MRTFB: variants seen among roughly 807,000 people sequenced by gnomAD.
The protein encoded by MRTFB is myocardin-related transcription factor B.
A neutral mutation model predicts 104.2 loss-of-function variants in MRTFB; 29 were observed. The observed-to-expected ratio is 0.28, with a 90% CI of 0.21 to 0.38. The LOEUF (loss-of-function observed/expected upper bound fraction) is 0.38, where lower values mean the gene tolerates loss of function less well. Ranked by LOEUF, MRTFB falls within the 10% of genes least tolerant of loss-of-function variation. The pLI is 1.00. For synonymous variants in MRTFB, 535 were observed against 519.5 expected, an observed-to-expected ratio of 1.03 and a Z score of -0.41; for missense variants, 1,270 against 1,341.6, an observed-to-expected ratio of 0.95 and a Z score of 0.83.
the MRTFB span, among the ~76,000 whole-genome samples, chr16:14,015,170 C>T: frequency 6.6e-6 from 1 of 152,164 alleles, no homozygotes; most frequent in Non-Finnish European, 1.5e-5. Context: ...TAAAGGGAAA[C>T]AGCCACAATG....
rs1040609671 is a variant in MRTFB, at chr16:14,264,849, T to G, written c.*3405T>G. On this transcript the variant is annotated 3_prime_UTR_variant, in exon 17 of 17. Coordinates refer to ENST00000571589, the MANE Select transcript of MRTFB (RefSeq NM_001308142.2). ...TACCTATTTTGTCACCAGAGCTGAC[T>G]CAGGCTTCCTGGACCCTCAACCCCA... is the stretch of plus-strand genomic sequence containing the variant. 3.9e-5 allele frequency: 6 copies of G among 152,262 alleles called. No homozygotes were observed. The highest frequency in any genetic ancestry group is 1.5e-5 in the Non-Finnish European group (1 of 68,088). 9.4% of individuals were successfully genotyped at this position (152,262 alleles called of 1,614,324 possible). A position where few individuals can be genotyped will look rare whatever the true frequency, so the allele number is the denominator to read the frequency against.
intron 15 of MRTFB, among the ~76,000 whole-genome samples, chr16:14,252,795 T>C (rs1482053483): frequency 2.0e-5 from 3 of 152,188 alleles, no homozygotes; most frequent in African/African-American, 7.2e-5. Context: ...ATAGATGTGA[T>C]TATGACCAGG....
rs140923947 is a variant in MRTFB, at chr16:14,187,782, G to A, written c.155-22461G>A. On this transcript the variant is annotated intron_variant, in intron 3 of 16. Transcript: ENST00000571589. ...CTGTAGCCAGTGTTTAAGAAATTCA[G>A]GGTCTACAGAGAATAAGTTTTCCTG... 1.1e-4 allele frequency among the ~76,000 whole-genome samples: 16 copies of A among 152,310 alleles called. No homozygotes were observed. The East Asian group carries it at 3.1e-3, about 29-fold the overall frequency.
intron 3 of MRTFB, among the ~76,000 whole-genome samples, chr16:14,192,825 G>T (rs528719951): frequency 6.6e-6 from 1 of 152,032 alleles, no homozygotes; most frequent in Non-Finnish European, 1.5e-5. Flanking sequence ...ATTCTTCCAG[G>T]GTTCCTCATC....
chr16:14,155,040 T>C (rs1032813506), intron 3 of MRTFB, among the ~76,000 whole-genome samples: 24 of 152,238 alleles, frequency 1.6e-4, no homozygotes, highest in South Asian at 2.1e-4. Flanking sequence ...CCCTAAAGGC[T>C]GCCCATCACA....
chr16:14,256,171 G>A (rs1413542135), intron 15 of MRTFB, among the ~76,000 whole-genome samples: 2 of 108,668 alleles, frequency 1.8e-5, no homozygotes, highest in African/African-American at 9.2e-5. Flanking sequence ...TTTTTTTAAG[G>A]ACAGGAAAGA....
At chr16:14,211,182 T>G (rs2041175593) in intron 4 of MRTFB, among the ~76,000 whole-genome samples, 1 of 152,218 alleles carries the variant, frequency 6.6e-6, no homozygotes, top group Non-Finnish European at 1.5e-5. Flanking sequence ...CTTTTTTTTC[T>G]GGACTACTAT....
At chr16:14,200,422 G>A (rs569661938) in intron 3 of MRTFB, 7 of 1,608,588 alleles carry the variant, frequency 4.4e-6, no homozygotes, top group African/African-American at 4.0e-5. Context: ...AAGAGGAGAC[G>A]ACTAATAGAC....
At chr16:14,059,509 C>T in the MRTFB span, among the ~76,000 whole-genome samples, 4 of 152,072 alleles carry the variant, frequency 2.6e-5, no homozygotes, top group South Asian at 2.1e-4. Context: ...AAGGACAGGA[C>T]GACAAGCTCT....
intron 3 of MRTFB, among the ~76,000 whole-genome samples, chr16:14,186,484 A>G (rs758952122): frequency 6.6e-6 from 1 of 152,188 alleles, no homozygotes; most frequent in Non-Finnish European, 1.5e-5. Flanking sequence ...CTTCTTAGGT[A>G]TCAGCAAAGT....
At chr16:14,205,545 A>T (rs1367932285) in intron 3 of MRTFB, among the ~76,000 whole-genome samples, 1 of 152,218 alleles carries the variant, frequency 6.6e-6, no homozygotes, top group East Asian at 1.9e-4. Flanking sequence ...GTTTTAAACC[A>T]TGATTCTAAA....
At position 14,212,382 on chromosome 16, in the gene MRTFB, A is replaced by C; in HGVS notation, c.249A>C (p.Glu83Asp). Reference sequence around the variant, plus strand: ...TGAAGAGCCCAGCGGCATTCCATGAACAGATAAAAAGCTTGGAACGAGCCA... The same window carrying C: ...TGAAGAGCCCAGCGGCATTCCATGACCAGATAAAAAGCTTGGAACGAGCCA... ...PPLKSPAAFHEQIKSLERART... is the reference protein window; with the variant it reads ...PPLKSPAAFHDQIKSLERART... Residue 83 changes from glutamate to aspartate, a missense_variant, in exon 5 of 17, where the codon GAA becomes GAC. This residue lies in a region of MRTFB where 64 missense variants were observed against 152.9 expected (regional missense o/e 0.42). Coordinates refer to ENST00000571589, the MANE Select transcript of MRTFB (RefSeq NM_001308142.2). 1 of 1,613,996 alleles carries C rather than the reference A, an allele frequency of 6.2e-7. No homozygotes were observed. Among genetic ancestry groups the C allele is most frequent in the East Asian group, 2.2e-5 (1 of 44,868 alleles).
chr16:14,023,679 A>G, the MRTFB span, among the ~76,000 whole-genome samples: 896 of 149,062 alleles, frequency 6.0e-3, 11 homozygotes, highest in African/African-American at 0.021. Context: ...GTGTGTGTCT[A>G]TATATATATA....
At chr16:14,017,635 A>G in the MRTFB span, among the ~76,000 whole-genome samples, 664 of 32,530 alleles carry the variant, frequency 0.02, 38 homozygotes, top group African/African-American at 0.063. Context: ...ATATATATAT[A>G]TATATGTATA....
the MRTFB span, among the ~76,000 whole-genome samples, chr16:14,045,577 T>A: frequency 2.0e-5 from 3 of 152,266 alleles, no homozygotes; most frequent in South Asian, 2.1e-4. Flanking sequence ...ATGTGCTGTC[T>A]GTACAAATGG....
At chr16:14,120,503 G>C (rs1254716399) in intron 2 of MRTFB, among the ~76,000 whole-genome samples, 1 of 152,160 alleles carries the variant, frequency 6.6e-6, no homozygotes, top group Non-Finnish European at 1.5e-5. Context: ...TTCCACGTGA[G>C]TAAACTGGTT....
intron 11 of MRTFB, among the ~76,000 whole-genome samples, chr16:14,246,106 C>T (rs939251743): frequency 9.2e-5 from 14 of 152,268 alleles, no homozygotes; most frequent in Admixed American, 5.2e-4. Flanking sequence ...AATAATGATA[C>T]GGACACCTCA....
At chr16:14,074,996 T>C (rs2033949669) in intron 1 of MRTFB, among the ~76,000 whole-genome samples, 1 of 152,260 alleles carries the variant, frequency 6.6e-6, no homozygotes, top group African/African-American at 2.4e-5. Flanking sequence ...CAGACAGTTG[T>C]ATGAATATGG....
the MRTFB span, among the ~76,000 whole-genome samples, chr16:14,045,540 G>A: frequency 1.3e-5 from 2 of 152,200 alleles, no homozygotes; most frequent in Non-Finnish European, 2.9e-5. Flanking sequence ...CCAAGTTCTT[G>A]GGAGGGTTAA....
Sources: allele counts gnomAD v4.1 joint callset (sites outside exome capture counted in the v4.1 genomes callset), GRCh38; gene constraint gnomAD v4.1.1; regional missense constraint gnomAD v4.1.1; transcripts MANE v1.5; gene names NCBI Gene and HGNC (gene_info 2026-07-23, HGNC 2026-07-21).